Variants in TFEB observed in about 807,000 individuals in gnomAD.
TFEB encodes transcription factor EB.
Under a neutral mutation model 48.0 loss-of-function variants are expected in TFEB, and 12 were observed. The ratio of observed to expected loss-of-function variants is 0.25; its 90% CI spans 0.16 to 0.40. The LOEUF is 0.40. Ranked by LOEUF, TFEB falls within the 10% of genes least tolerant of loss-of-function variation. The pLI is 1.00. For missense variants in TFEB, 509 were observed against 640.3 expected (o/e 0.79, Z 2.21); for synonymous variants, 244 against 261.4 (o/e 0.93, Z 0.64).
intron 1 of TFEB, among the ~76,000 whole-genome samples, chr6:41,704,586 A>G (rs375132312): frequency 6.6e-6 from 1 of 152,266 alleles, no homozygotes; most frequent in Non-Finnish European, 1.5e-5. Context: ...GGTTAGAAAC[A>G]GGCTCTCAGG....
In TFEB at chr6:41,690,721, T is replaced by A; in HGVS notation, c.410A>T (p.Asn137Ile). ...AGHVLSSSAGNSAPNSPMAML... is the reference protein window; with the variant it reads ...AGHVLSSSAGISAPNSPMAML... Reference sequence around the variant, plus strand: ...GGCCATGGGGCTATTGGGAGCACTGTTGCCAGCGGAGGAGGACAGCACGTG... The same window carrying A: ...GGCCATGGGGCTATTGGGAGCACTGATGCCAGCGGAGGAGGACAGCACGTG... The change falls in exon 3 of 9, where the codon AAC becomes ATC. Residue 137 changes from asparagine (N) to isoleucine (I), a missense_variant. Around this residue, in one of 4 missense-constraint regions of TFEB, gnomAD observed 251 missense variants for 317.2 expected, o/e 0.79. Coordinates refer to ENST00000373033, the MANE Select transcript of TFEB (RefSeq NM_001271944.2). The A allele has an allele frequency of 2.5e-6, 4 of 1,585,668 alleles. No homozygotes were observed. Among genetic ancestry groups the A allele is most frequent in the Non-Finnish European group, 3.4e-6 (4 of 1,161,968 alleles).
intron 1 of TFEB, among the ~76,000 whole-genome samples, chr6:41,702,474 A>G (rs574816995): frequency 8.0e-4 from 122 of 152,246 alleles, no homozygotes; most frequent in African/African-American, 2.8e-3. Context: ...GATGGCTCCT[A>G]GGACAGGAAA....
intron 1 of TFEB, among the ~76,000 whole-genome samples, chr6:41,696,369 C>G (rs1769583052): frequency 6.6e-6 from 1 of 152,110 alleles, no homozygotes; most frequent in South Asian, 2.1e-4. Flanking sequence ...AACTGGAAAC[C>G]ACCCAAATGT....
At position 41,734,185 on chromosome 6, in the gene TFEB, G is replaced by T. The variant is rs572849408; in HGVS notation, c.-23+1165C>A. 227 of 220,434 alleles carry T rather than the reference G, an allele frequency of 1.0e-3. No homozygotes were observed. The highest frequency in any genetic ancestry group is 4.9e-3 in the African/African-American group (209 of 42,858). The allele number at this position is 220,434 out of a possible 1,614,324, so 13.7% of individuals were successfully genotyped here. A position where few individuals can be genotyped will look rare whatever the true frequency, so the allele number is the denominator to read the frequency against. ...CAGAACAGACAGGCGAGAGAACGAC[G>T]GCTGGAGCTGAGGGGGGTTCGGGGG... is the stretch of plus-strand genomic sequence containing the variant. On this transcript the variant is annotated intron_variant, in intron 1 of 8. Transcript: ENST00000373033. The surrounding 1 kb of genome is among the most constrained non-coding windows in gnomAD (Gnocchi z 4.0).
At chr6:41,689,583 T>G in intron 4 of TFEB, 148 bp downstream of exon 4, 1 of 626,846 alleles carries the variant, frequency 1.6e-6, no homozygotes. Context: ...CTTTGTCACA[T>G]TATTTAATGA....
Position 41,686,454 on chromosome 6 carries a change from A to G in TFEB, c.804-217T>C, listed in dbSNP as rs1035733598. The G allele has an allele frequency of 4.3e-5, 20 of 469,568 alleles. No homozygotes were observed. The African/African-American group carries it at 5.0e-4, about 12-fold the overall frequency. The allele number at this position is 469,568 out of a possible 1,614,324, so 29.1% of individuals were successfully genotyped here. ...CTTCATTAATCTCATGAAACCAGGC[A>G]ATTCAGAGCAGCCTCCTTCCCAGAC... On this transcript the variant is annotated intron_variant, in intron 7 of 8. Coordinates refer to ENST00000373033, the MANE Select transcript of TFEB (RefSeq NM_001271944.2).
At position 41,730,932 on chromosome 6, in the gene TFEB, G is replaced by A. The variant is rs971385315; in HGVS notation, c.-23+4418C>T. On this transcript the variant is annotated intron_variant, in intron 1 of 8. Transcript: ENST00000373033. This position sits in a 1 kb window ranked among gnomAD's most constrained non-coding sequence, Gnocchi z 4.1. Reference sequence around the variant, plus strand: ...TATTCAACAAGGAGAGGAGGCTGGTGTGGTGGGACAGAGAGTGGTGGGAAG... The same window carrying A: ...TATTCAACAAGGAGAGGAGGCTGGTATGGTGGGACAGAGAGTGGTGGGAAG... Among the ~76,000 whole-genome samples the A allele has an allele frequency of 6.6e-6, 1 of 152,186 alleles. No homozygotes were observed. Among genetic ancestry groups the A allele is most frequent in the East Asian group, 1.9e-4 (1 of 5,194 alleles).
At chr6:41,701,956 A>AAAAG (rs1769951118) in intron 1 of TFEB, among the ~76,000 whole-genome samples, 2 of 151,968 alleles carry the variant, frequency 1.3e-5, no homozygotes, top group African/African-American at 4.8e-5. Context: ...AAAAAAAAAA[A>AAAAG]AAAAGAAAGA....
At chr6:41,736,139 C>G, upstream of TFEB, 2 of 1,612,920 alleles carry the variant, frequency 1.2e-6, no homozygotes, top group Non-Finnish European at 1.7e-6. Context: ...ATTCACGCCC[C>G]ACTCACCAGC....
intron 1 of TFEB, among the ~76,000 whole-genome samples, chr6:41,705,378 TC>T (rs1173001145): frequency 6.6e-6 from 1 of 152,042 alleles, no homozygotes; most frequent in Non-Finnish European, 1.5e-5. Flanking sequence ...GACTCCCCTC[TC>T]CCCCAGTATA....
intron 3 of TFEB, among the ~76,000 whole-genome samples, chr6:41,690,292 A>G (rs1407926964): frequency 1.3e-5 from 2 of 151,836 alleles, no homozygotes; most frequent in Non-Finnish European, 2.9e-5. Context: ...CACCACGCCC[A>G]GCTAATTTTT....
chr6:41,714,427 C>G (rs751683311), intron 1 of TFEB, among the ~76,000 whole-genome samples: 1 of 152,144 alleles, frequency 6.6e-6, no homozygotes, highest in African/African-American at 2.4e-5. Context: ...GGAACCCAGG[C>G]TGGGGTAGCT....
At chr6:41,690,638 G>T (rs750457417) in intron 3 of TFEB, 25 bp downstream of exon 3, 7 of 1,497,810 alleles carry the variant, frequency 4.7e-6, no homozygotes, top group Non-Finnish European at 6.2e-6. Context: ...CAAGCAGCAT[G>T]GCCACTGGCC....
chr6:41,712,742 CTG>C (rs1770538082), intron 1 of TFEB, among the ~76,000 whole-genome samples: 1 of 152,034 alleles, frequency 6.6e-6, no homozygotes, highest in African/African-American at 2.4e-5. Context: ...CACAATGGGG[CTG>C]TGTGTGCACC....
chr6:41,694,750 C>T (rs192415884), intron 1 of TFEB, among the ~76,000 whole-genome samples: 1 of 152,216 alleles, frequency 6.6e-6, no homozygotes, highest in East Asian at 1.9e-4. Context: ...TTCAGACCCA[C>T]CATGCCTGGA....
intron 1 of TFEB, among the ~76,000 whole-genome samples, chr6:41,729,306 C>T (rs932297935): frequency 9.2e-5 from 14 of 152,130 alleles, no homozygotes; most frequent in African/African-American, 3.1e-4. Flanking sequence ...AGCAGGGACC[C>T]TCCCCCTACC....
intron 1 of TFEB, among the ~76,000 whole-genome samples, chr6:41,732,221 AGAGAACTCCTGG>A (rs1771482419): frequency 6.6e-6 from 1 of 152,130 alleles, no homozygotes; most frequent in Non-Finnish European, 1.5e-5. Flanking sequence ...ACCTTTTAAG[AGAGAACTCCTGG>A]GAAACCCCTT....
At chr6:41,711,331 C>T (rs990957262) in intron 1 of TFEB, among the ~76,000 whole-genome samples, 2 of 152,222 alleles carry the variant, frequency 1.3e-5, no homozygotes, top group African/African-American at 4.8e-5. Flanking sequence ...AGGTAGAGGA[C>T]ACTCGGACAT....
intron 1 of TFEB, among the ~76,000 whole-genome samples, chr6:41,699,589 C>A (rs1265481615): frequency 1.3e-5 from 2 of 152,240 alleles, no homozygotes; most frequent in African/African-American, 4.8e-5. Flanking sequence ...ATGAGAGAGG[C>A]AGGTGAGCAA....
Sources: gnomAD v4.1 joint callset for allele counts (sites outside exome capture counted in the v4.1 genomes callset) on GRCh38, gnomAD v4.1.1 for gene constraint, gnomAD v4.1.1 regional missense constraint, Gnocchi (gnomAD v3.1) non-coding constraint, MANE v1.5 for transcripts, NCBI Gene and HGNC (gene_info 2026-07-23, HGNC 2026-07-21) for gene names.